Variants in DLGAP2 observed in about 807,000 individuals in gnomAD.
DLGAP2 encodes the protein disks large-associated protein 2.
DLGAP2 carries 26 observed loss-of-function variants against 100.3 expected under a neutral mutation model. The ratio of observed to expected loss-of-function variants is 0.26; its 90% confidence interval spans 0.19 to 0.36. DLGAP2 has a LOEUF of 0.36. Ranked by LOEUF, DLGAP2 falls within the 10% of genes least tolerant of loss-of-function variation. The pLI is 1.00. For synonymous variants in DLGAP2, 886 were observed against 630.1 expected (o/e 1.41, Z -6.08); for missense variants, 1,858 against 1,453.2 (o/e 1.28, Z -4.53).
At chr8:927,280 T>C in intron 2 of DLGAP2, 5 of 966,062 alleles carry the variant, frequency 5.2e-6, no homozygotes, top group Non-Finnish European at 6.2e-6. Context: ...ATGGGGATTT[T>C]CTTGAAGCTT....
intron 3 of DLGAP2, among the ~76,000 whole-genome samples, chr8:1,321,193 G>C (rs550420425): frequency 6.6e-6 from 1 of 151,636 alleles, no homozygotes; most frequent in East Asian, 2.0e-4. Context: ...CTCTACGTGT[G>C]CACGTGCATC....
intron 2 of DLGAP2, among the ~76,000 whole-genome samples, chr8:974,453 C>G (rs1280979486): frequency 6.6e-6 from 1 of 152,184 alleles, no homozygotes; most frequent in South Asian, 2.1e-4. Context: ...ACACATTCCT[C>G]TCAAGCTTAT....
chr8:1,147,047 G>A (rs185935857), intron 2 of DLGAP2, among the ~76,000 whole-genome samples: 9 of 152,226 alleles, frequency 5.9e-5, no homozygotes, highest in Admixed American at 4.6e-4. Context: ...GCTTTGATTA[G>A]GAATTTATGG....
intron 2 of DLGAP2, among the ~76,000 whole-genome samples, chr8:1,091,109 C>T (rs1804165685): frequency 6.6e-6 from 1 of 152,140 alleles, no homozygotes; most frequent in Non-Finnish European, 1.5e-5. Flanking sequence ...GCGCCCAGAC[C>T]CATCTCGAGC....
chr8:1,107,011 A>G (rs777813697), intron 2 of DLGAP2, among the ~76,000 whole-genome samples: 8 of 152,110 alleles, frequency 5.3e-5, no homozygotes, highest in Admixed American at 6.5e-5. Flanking sequence ...ATTAAACCGC[A>G]CCTGTATACA....
intron 4 of DLGAP2, among the ~76,000 whole-genome samples, chr8:1,523,171 C>G (rs1340793018): frequency 6.6e-6 from 1 of 152,180 alleles, no homozygotes; most frequent in Non-Finnish European, 1.5e-5. Context: ...GGAAAAGGCC[C>G]CCCTCTGGTG....
rs555960088 is a variant in DLGAP2 at position 922,773 on chromosome 8, A to AG, written c.73+14809dup. ...AGCAGTGGCAGTTTCATTGCTAAAC[A>AG]GGTATTCAGGTGGCACATAAATCAA... On this transcript the variant is annotated intron_variant, in intron 2 of 14. Transcript: ENST00000637795. 3.7e-3 allele frequency among the ~76,000 whole-genome samples: 562 copies of AG among 152,346 alleles called. 5 individuals carry two copies. The highest frequency in any genetic ancestry group is 0.013 in the African/African-American group (541 of 41,570).
intron 13 of DLGAP2, among the ~76,000 whole-genome samples, chr8:1,694,970 G>A (rs956560758): frequency 6.6e-6 from 1 of 152,192 alleles, no homozygotes; most frequent in Non-Finnish European, 1.5e-5. Flanking sequence ...GACCATGCCA[G>A]GCTGTGCCCG....
intron 2 of DLGAP2, among the ~76,000 whole-genome samples, chr8:1,230,295 T>C (rs1023472213): frequency 4.8e-4 from 73 of 152,158 alleles, no homozygotes; most frequent in Admixed American, 2.0e-4. Context: ...TACCTAGTAA[T>C]ACATCTAACT....
chr8:916,098 G>A (rs547635603), intron 2 of DLGAP2, among the ~76,000 whole-genome samples: 4 of 151,804 alleles, frequency 2.6e-5, no homozygotes, highest in South Asian at 2.1e-4. Context: ...GTCCCAGGGC[G>A]TGGTTTCCAT....
chr8:1,352,058 G>T (rs1396224470), intron 3 of DLGAP2, among the ~76,000 whole-genome samples: 1 of 71,872 alleles, frequency 1.4e-5, no homozygotes, highest in Non-Finnish European at 3.0e-5. Context: ...CTGAGTGTGT[G>T]TGGAACGGCC....
chr8:1,146,786 A>C (rs551636211), intron 2 of DLGAP2, among the ~76,000 whole-genome samples: 51 of 152,338 alleles, frequency 3.3e-4, no homozygotes, highest in Non-Finnish European at 5.3e-4. Flanking sequence ...CACTGTCCTG[A>C]AGTGCAGCCT....
At chr8:1,171,421 C>T (rs12676991) in intron 2 of DLGAP2, among the ~76,000 whole-genome samples, 14,981 of 152,092 alleles carry the variant, frequency 0.098, 909 homozygotes, top group East Asian at 0.23. Flanking sequence ...GAGCTGAGTT[C>T]AGTTCCTGGG....
chr8:1,524,191 G>A (rs1800712386), intron 4 of DLGAP2, among the ~76,000 whole-genome samples: 2 of 152,066 alleles, frequency 1.3e-5, no homozygotes, highest in African/African-American at 4.8e-5. Flanking sequence ...GGTGTGCGTC[G>A]GGGTCAGCCT....
chr8:936,418 C>G (rs918868195), intron 2 of DLGAP2, among the ~76,000 whole-genome samples: 2 of 152,176 alleles, frequency 1.3e-5, no homozygotes, highest in Non-Finnish European at 2.9e-5. Context: ...TGGGAGATGG[C>G]GGCCTTTCTT....
chr8:885,267 GT>G, intron 1 of DLGAP2, among the ~76,000 whole-genome samples: 1 of 152,208 alleles, frequency 6.6e-6, no homozygotes. Context: ...AGGATGGAAT[GT>G]TTTTCTATTT....
intron 2 of DLGAP2, among the ~76,000 whole-genome samples, chr8:1,255,132 GGCGCTGAGTGTGTGT>G (rs1799162649): frequency 3.1e-5 from 4 of 129,890 alleles, no homozygotes; most frequent in African/African-American, 6.0e-5. Context: ...CTCCTGCCCG[GGCGCTGAGTGTGTGT>G]CCTCTCCTGC....
chr8:1,504,903 C>A (rs1398843060), intron 4 of DLGAP2, among the ~76,000 whole-genome samples: 1 of 152,112 alleles, frequency 6.6e-6, no homozygotes, highest in Non-Finnish European at 1.5e-5. Context: ...AAGTGGGATT[C>A]CTGGATTATT....
intron 3 of DLGAP2, among the ~76,000 whole-genome samples, chr8:1,291,227 A>G (rs186562173): frequency 5.4e-4 from 83 of 152,330 alleles, no homozygotes; most frequent in Admixed American, 1.2e-3. Flanking sequence ...ACAGATTCAC[A>G]GAATGGATGG....
Sources: gnomAD v4.1 joint callset for allele counts (sites outside exome capture counted in the v4.1 genomes callset) on GRCh38, gnomAD v4.1.1 for gene constraint, MANE v1.5 for transcripts, NCBI Gene and HGNC (gene_info 2026-07-23, HGNC 2026-07-21) for gene names.